GSE1: variants seen among roughly 807,000 people sequenced by gnomAD.
GSE1 encodes the protein Gse1 coiled-coil protein.
Under a neutral mutation model 112.6 loss-of-function variants are expected in GSE1, and 32 were observed. The observed-to-expected ratio is 0.28, with a 90% CI of 0.21 to 0.38. The LOEUF is 0.38. GSE1 is among the 10% of genes least tolerant of loss of function. The probability of loss-of-function intolerance (pLI) is 1.00; values close to 1 mark genes in which losing one functional copy is unlikely to be tolerated. For missense variants in GSE1, 2,348 were observed against 1,699.2 expected (o/e 1.38, Z -6.71); for synonymous variants, 1,115 against 735.6 (o/e 1.52, Z -8.35).
At chr16:85,336,865 C>T (rs574976549) in intron 1 of GSE1, among the ~76,000 whole-genome samples, 27 of 152,362 alleles carry the variant, frequency 1.8e-4, no homozygotes, top group Admixed American at 1.2e-3. Context: ...AACATTCACA[C>T]GTTCACACAT....
intron 2 of GSE1, among the ~76,000 whole-genome samples, chr16:85,476,709 G>A (rs1272606508): frequency 6.6e-6 from 1 of 151,672 alleles, no homozygotes; most frequent in African/African-American, 2.4e-5. Context: ...TCACAGCTCA[G>A]TCGATCTTCC....
intron 2 of GSE1, chr16:85,463,134 C>T: frequency 1.0e-6 from 1 of 983,886 alleles, no homozygotes; most frequent in South Asian, 4.7e-5. Context: ...CAGTAAGTGC[C>T]CAGCTCACCG....
At chr16:85,426,963 C>T (rs1379839633) in intron 2 of GSE1, among the ~76,000 whole-genome samples, 2 of 152,086 alleles carry the variant, frequency 1.3e-5, no homozygotes, top group Non-Finnish European at 2.9e-5. Flanking sequence ...CCTGACTGTG[C>T]CCCTTACTGT....
At chr16:85,270,347 A>C (rs1908708252) in intron 1 of GSE1, among the ~76,000 whole-genome samples, 1 of 148,650 alleles carries the variant, frequency 6.7e-6, no homozygotes, top group Admixed American at 6.7e-5. Flanking sequence ...GGATAGAGAG[A>C]GTCTCCTTCT....
intron 2 of GSE1, among the ~76,000 whole-genome samples, chr16:85,480,044 G>A (rs1296035620): frequency 2.0e-5 from 3 of 152,200 alleles, no homozygotes; most frequent in African/African-American, 7.2e-5. Flanking sequence ...GCCATTGCCC[G>A]TGTTCCTGGC....
exon 1 of GSE1, chr16:85,170,498 A>G (rs1462255541): frequency 1.0e-6 from 1 of 985,670 alleles, no homozygotes; most frequent in Admixed American, 6.1e-5. Context: ...AGTGACATCA[A>G]CATCACCAGT....
At chr16:85,634,559 G>C (rs749226808) in intron 2 of GSE1, among the ~76,000 whole-genome samples, 1 of 152,194 alleles carries the variant, frequency 6.6e-6, no homozygotes, top group South Asian at 2.1e-4. Context: ...AGAGAACATG[G>C]TGTCCCTGGA....
At chr16:85,237,722 C>G (rs1461724600) in intron 1 of GSE1, among the ~76,000 whole-genome samples, 1 of 151,938 alleles carries the variant, frequency 6.6e-6, no homozygotes, top group Non-Finnish European at 1.5e-5. Flanking sequence ...CCTGTAGTCC[C>G]AGCTACTTGG....
At chr16:85,567,449 C>T (rs1350496161) in intron 1 of GSE1, among the ~76,000 whole-genome samples, 2 of 152,222 alleles carry the variant, frequency 1.3e-5, no homozygotes, top group African/African-American at 4.8e-5. Context: ...AGGCTCCTCT[C>T]ACTCAGGCCT....
At chr16:85,443,850 C>T (rs1344126460) in intron 2 of GSE1, among the ~76,000 whole-genome samples, 2 of 152,084 alleles carry the variant, frequency 1.3e-5, no homozygotes, top group Admixed American at 1.3e-4. Flanking sequence ...AGCCCAGCTA[C>T]AGGATGAGAT....
At chr16:85,478,398 G>A (rs1442883101) in intron 2 of GSE1, among the ~76,000 whole-genome samples, 1 of 151,930 alleles carries the variant, frequency 6.6e-6, no homozygotes, top group East Asian at 2.0e-4. Context: ...ATGGTTGCGG[G>A]CACCTGTAGT....
At chr16:85,507,066 G>A (rs148980812) in intron 2 of GSE1, among the ~76,000 whole-genome samples, 3 of 152,274 alleles carry the variant, frequency 2.0e-5, no homozygotes, top group South Asian at 2.1e-4. Context: ...GGTTTCTCCC[G>A]AGCATGTCGT....
intron 2 of GSE1, among the ~76,000 whole-genome samples, chr16:85,524,489 C>T (rs1210401875): frequency 6.6e-6 from 1 of 152,154 alleles, no homozygotes; most frequent in East Asian, 1.9e-4. Context: ...GGGCCCTGCT[C>T]CCAGAGCCAG....
chr16:85,171,135 C>T, exon 1 of GSE1: 1 of 985,678 alleles, frequency 1.0e-6, no homozygotes, highest in Non-Finnish European at 1.2e-6. Flanking sequence ...GCCCCAAGTG[C>T]TTCAGCGTCC....
intron 10 of GSE1, 21 bp downstream of exon 10, chr16:85,663,114 C>A (rs12444813): frequency 2.7e-6 from 4 of 1,494,060 alleles, no homozygotes; most frequent in East Asian, 4.5e-5. Flanking sequence ...CTCCTCCCCA[C>A]GGACATGCTC....
intron 2 of GSE1, among the ~76,000 whole-genome samples, chr16:85,548,378 G>C (rs1197118529): frequency 6.7e-6 from 1 of 149,788 alleles, no homozygotes; most frequent in Admixed American, 6.6e-5. Flanking sequence ...TTTAAACTAG[G>C]TCTTATTTCT....
At chr16:85,654,594 G>A (rs2051742259) in intron 4 of GSE1, 144 bp downstream of exon 4, 8 of 794,576 alleles carry the variant, frequency 1.0e-5, no homozygotes, top group South Asian at 1.7e-5. Context: ...GGGGATTGCA[G>A]CCCTGTCTGT....
At chr16:85,669,150 A>C (rs971144563) in intron 14 of GSE1, among the ~76,000 whole-genome samples, 1 of 152,230 alleles carries the variant, frequency 6.6e-6, no homozygotes, top group African/African-American at 2.4e-5. Flanking sequence ...TTTCCCTAGG[A>C]TATTGCACAG....
intron 2 of GSE1, among the ~76,000 whole-genome samples, chr16:85,526,199 C>G (rs2052359076): frequency 6.6e-6 from 1 of 152,236 alleles, no homozygotes; most frequent in Admixed American, 6.5e-5. Flanking sequence ...ATTCACTGAG[C>G]ACCTACTGTG....
Sources: gnomAD v4.1 joint callset for allele counts (sites outside exome capture counted in the v4.1 genomes callset) on GRCh38, gnomAD v4.1.1 for gene constraint, MANE v1.5 for transcripts, NCBI Gene and HGNC (gene_info 2026-07-23, HGNC 2026-07-21) for gene names.